The following ZFHX3 variants were observed in gnomAD, a reference collection of about 807,000 sequenced individuals.
The protein encoded by ZFHX3 is zinc finger homeobox protein 3.
Under a neutral mutation model 279.1 loss-of-function variants are expected in ZFHX3, and 42 were observed. The ratio of observed to expected loss-of-function variants is 0.15; its 90% confidence interval spans 0.12 to 0.19. The LOEUF is 0.19. Ranked by LOEUF, ZFHX3 falls within the 10% of genes least tolerant of loss-of-function variation. The pLI, the probability that ZFHX3 is intolerant of heterozygous loss-of-function variation, is 1.00. For synonymous variants in ZFHX3, 2,293 were observed against 1,957.8 expected (o/e 1.17, Z -4.52); for missense variants, 4,981 against 4,754.0 (o/e 1.05, Z -1.40).
intron 3 of ZFHX3, among the ~76,000 whole-genome samples, chr16:73,370,114 C>T (rs371069845): frequency 6.6e-6 from 1 of 152,200 alleles, no homozygotes; most frequent in South Asian, 2.1e-4. Context: ...ATAACTAGAA[C>T]AGACCAGTGC....
chr16:73,267,731 G>A (rs1161785976), intron 4 of ZFHX3, among the ~76,000 whole-genome samples: 1 of 152,154 alleles, frequency 6.6e-6, no homozygotes, highest in East Asian at 1.9e-4. Context: ...TTGAGGGGAC[G>A]CTGGGCTAGA....
intron 1 of ZFHX3, among the ~76,000 whole-genome samples, chr16:73,686,275 T>C (rs1396633326): frequency 6.6e-6 from 1 of 152,094 alleles, no homozygotes; most frequent in African/African-American, 2.4e-5. Flanking sequence ...TTTGTATTTT[T>C]AGTAGAGACA....
chr16:72,939,905 T>C (rs1421340340), intron 3 of ZFHX3, among the ~76,000 whole-genome samples: 1 of 152,034 alleles, frequency 6.6e-6, no homozygotes, highest in East Asian at 1.9e-4. Flanking sequence ...AGCCCTCTCA[T>C]GTAGCTGGGA....
chr16:72,977,549 T>C (rs1348049219), intron 1 of ZFHX3, among the ~76,000 whole-genome samples: 2 of 151,540 alleles, frequency 1.3e-5, no homozygotes, highest in Non-Finnish European at 2.9e-5. Context: ...CACTCGACTT[T>C]GAGTTGTTCC....
chr16:72,987,645 G>A (rs929644523), intron 1 of ZFHX3, among the ~76,000 whole-genome samples: 4 of 152,166 alleles, frequency 2.6e-5, no homozygotes, highest in African/African-American at 9.7e-5. Flanking sequence ...CAAACACACA[G>A]AAATCAGAAC....
chr16:73,592,233 A>ACTC (rs2052007084), intron 2 of ZFHX3, among the ~76,000 whole-genome samples: 1 of 151,588 alleles, frequency 6.6e-6, no homozygotes, highest in Non-Finnish European at 1.5e-5. Flanking sequence ...ACTGTCTCAA[A>ACTC]ACAAACAAAC....
At chr16:73,578,534 A>C (rs1273857459) in intron 2 of ZFHX3, among the ~76,000 whole-genome samples, 1 of 152,200 alleles carries the variant, frequency 6.6e-6, no homozygotes, top group African/African-American at 2.4e-5. Flanking sequence ...TATAATATGC[A>C]GGTTCTTCCA....
At chr16:73,378,382 A>G (rs1297040299) in intron 3 of ZFHX3, among the ~76,000 whole-genome samples, 1 of 152,162 alleles carries the variant, frequency 6.6e-6, no homozygotes, top group East Asian at 1.9e-4. Flanking sequence ...TTTCTTTTGT[A>G]AAATATTTGT....
intron 1 of ZFHX3, among the ~76,000 whole-genome samples, chr16:73,776,505 G>T (rs913604699): frequency 2.0e-5 from 3 of 152,120 alleles, no homozygotes; most frequent in African/African-American, 7.2e-5. Context: ...ACGACAGGGA[G>T]TAGCAATAAT....
At chr16:73,473,770 G>A (rs565111950) in intron 2 of ZFHX3, among the ~76,000 whole-genome samples, 2 of 152,292 alleles carry the variant, frequency 1.3e-5, no homozygotes, top group East Asian at 3.9e-4. Context: ...TTTCCCATCT[G>A]TTTCTTTAAC....
intron 5 of ZFHX3, among the ~76,000 whole-genome samples, chr16:73,224,648 T>C (rs1195751396): frequency 1.3e-5 from 2 of 152,196 alleles, no homozygotes; most frequent in East Asian, 1.9e-4. Flanking sequence ...TCCTGACAGA[T>C]GAAATGCTAT....
chr16:73,261,148 T>C (rs576718739), intron 4 of ZFHX3, among the ~76,000 whole-genome samples: 1 of 152,350 alleles, frequency 6.6e-6, no homozygotes, highest in Admixed American at 6.5e-5. Flanking sequence ...GGAGACTGGT[T>C]CTATAAATTA....
intron 2 of ZFHX3, among the ~76,000 whole-genome samples, chr16:73,579,087 G>C (rs918409980): frequency 1.3e-5 from 2 of 152,204 alleles, no homozygotes; most frequent in Admixed American, 6.5e-5. Flanking sequence ...GCACCTGGAA[G>C]CTTCATCTGC....
At chr16:73,290,661 G>C (rs1325904103) in intron 4 of ZFHX3, among the ~76,000 whole-genome samples, 2 of 152,210 alleles carry the variant, frequency 1.3e-5, no homozygotes, top group Non-Finnish European at 2.9e-5. Flanking sequence ...TATGCTACAT[G>C]TCACAAAGCT....
intron 4 of ZFHX3, among the ~76,000 whole-genome samples, chr16:73,290,204 G>GAGA (rs1189080375): frequency 1.3e-5 from 2 of 152,166 alleles, no homozygotes; most frequent in Non-Finnish European, 2.9e-5. Context: ...TTCCCTGATG[G>GAGA]AGATTATAGC....
At chr16:73,631,378 G>A (rs2052467279) in intron 2 of ZFHX3, among the ~76,000 whole-genome samples, 1 of 152,106 alleles carries the variant, frequency 6.6e-6, no homozygotes, top group Non-Finnish European at 1.5e-5. Flanking sequence ...GGAAATTCAA[G>A]CTTCAAACCA....
intron 9 of ZFHX3, chr16:72,789,087 C>T (rs527515736): frequency 2.4e-6 from 1 of 419,140 alleles, no homozygotes; most frequent in Non-Finnish European, 4.2e-6. Context: ...CAAACAACTT[C>T]CAGAAGTATC....
chr16:73,312,391 GAA>G (rs900823928), intron 4 of ZFHX3, among the ~76,000 whole-genome samples: 1 of 145,106 alleles, frequency 6.9e-6, no homozygotes, highest in African/African-American at 2.5e-5. Flanking sequence ...CAAACACAAA[GAA>G]AAAAAAAAAC....
chr16:73,701,003 G>A (rs547032253), intron 1 of ZFHX3, among the ~76,000 whole-genome samples: 78 of 151,990 alleles, frequency 5.1e-4, no homozygotes, highest in Non-Finnish European at 1.1e-3. Context: ...TTTTAAACTT[G>A]CCCTTATTTA....
Sources: gnomAD v4.1 joint callset for allele counts (sites outside exome capture counted in the v4.1 genomes callset) on GRCh38, gnomAD v4.1.1 for gene constraint, MANE v1.5 for transcripts, NCBI Gene and HGNC (gene_info 2026-07-23, HGNC 2026-07-21) for gene names.